SPRR1B: variants seen among roughly 807,000 people sequenced by gnomAD.
SPRR1B encodes the protein small proline rich protein 1B.
SPRR1B carries 1 observed loss-of-function variant against 1.2 expected under a neutral mutation model. The observed-to-expected ratio is 0.82, with a 90% CI of 0.29 to 3.89. The LOEUF (loss-of-function observed/expected upper bound fraction) is 3.89. Ranked by LOEUF, SPRR1B falls within the 30% of genes most tolerant of loss-of-function variation. The probability of loss-of-function intolerance (pLI) is 0.18; values close to 1 mark genes in which losing one functional copy is unlikely to be tolerated. For synonymous variants in SPRR1B, 37 were observed against 38.3 expected (o/e 0.97, Z 0.13); for missense variants, 102 against 106.0 (o/e 0.96, Z 0.17).
At position 153,032,494 on chromosome 1, in the gene SPRR1B, A is replaced by G. The variant is rs751749805; in HGVS notation, c.149A>G (p.His50Arg). Residue 50 changes from histidine to arginine, a missense_variant, in exon 2 of 2, where the codon CAC (histidine) becomes CGC (arginine). His to Arg is a conservative substitution (Grantham distance 29). Coordinates refer to ENST00000307098, the MANE Select transcript of SPRR1B (RefSeq NM_003125.3). ...PCHPKVPEPC[H>R]PKVPEPCQPK... ...CACCCCAAGGTGCCTGAGCCCTGCC[A>G]CCCCAAAGTGCCCGAGCCCTGCCAG... The G allele has an allele frequency of 1.1e-5, 16 of 1,494,116 alleles. No homozygotes were observed. The East Asian group carries it at 2.1e-4, about 19-fold the overall frequency. 92.6% of individuals were successfully genotyped at this position (1,494,116 alleles called of 1,614,324 possible).
In SPRR1B at chr1:153,031,335, C is replaced by G. The variant is rs1388751638; in HGVS notation, c.-20+88C>G. The G allele has an allele frequency of 2.6e-5, 4 of 151,838 alleles. No individual in the cohort carries two copies. The East Asian group carries it at 7.7e-4, about 29-fold the overall frequency. 9.4% of individuals were successfully genotyped at this position (151,838 alleles called of 1,614,324 possible). ...TCCTTGGCATTCTTGGTATTTTTTT[C>G]CCTCATTATTGAATTTGATCATAGC... On this transcript the variant is annotated intron_variant, in intron 1 of 1. Transcript: ENST00000307098.
chr1:153,032,772 T>G lies in SPRR1B; in HGVS notation c.*157T>G. 7.6e-7 allele frequency: 1 copy of G among 1,317,042 alleles called. No individual in the cohort carries two copies. Among genetic ancestry groups the G allele is most frequent in the South Asian group, 1.6e-5 (1 of 62,810 alleles). The allele number at this position is 1,317,042 out of a possible 1,614,324, so 81.6% of individuals were successfully genotyped here. A position where few individuals can be genotyped will look rare whatever the true frequency, so the allele number is the denominator to read the frequency against. ...TTCTTTCCTACACACTCTGAGTCTCTGAATGAAGCTGAAGGTCTTAGTACC... is the reference window on the plus strand; with the variant it reads ...TTCTTTCCTACACACTCTGAGTCTCGGAATGAAGCTGAAGGTCTTAGTACC... On this transcript the variant is annotated 3_prime_UTR_variant, in exon 2 of 2. Transcript: ENST00000307098.
At position 153,032,243 on chromosome 1, in the gene SPRR1B, A is replaced by G. The variant is rs990542735; in HGVS notation, c.-19-84A>G. 6 of 1,454,296 alleles carry G rather than the reference A, an allele frequency of 4.1e-6. No individual in the cohort carries two copies. The African/African-American group carries it at 8.5e-5, about 21-fold the overall frequency. The allele number at this position is 1,454,296 out of a possible 1,614,324, so 90.1% of individuals were successfully genotyped here. A position where few individuals can be genotyped will look rare whatever the true frequency, so the allele number is the denominator to read the frequency against. On this transcript the variant is annotated intron_variant, in intron 1 of 1. Transcript: ENST00000307098. ...TTTGTGGTCAAGAAGGGGAAAGAAC[A>G]TAGCTTTTTAAGAGACCAGAAGTGG...
At position 153,032,408 on chromosome 1, in the gene SPRR1B, G is replaced by C; in HGVS notation, c.63G>C (p.Val21=). Reference sequence around the variant, plus strand: ...CCCCTCAGCTTCAGCAGCAGCAGGTGAAACAGCCTTGCCAGCCTCCACCTC... The same window carrying C: ...CCCCTCAGCTTCAGCAGCAGCAGGTCAAACAGCCTTGCCAGCCTCCACCTC... ...TPPPQLQQQQ[V]KQPCQPPPQE... The change falls in exon 2 of 2, where the codon GTG becomes GTC. Residue 21 remains valine (V), a synonymous_variant. Transcript: ENST00000307098. The C allele has an allele frequency of 6.2e-7, 1 of 1,613,934 alleles. No homozygotes were observed. The highest frequency in any genetic ancestry group is 1.1e-5 in the South Asian group (1 of 91,064).
In SPRR1B at chr1:153,031,215, G is replaced by A. The variant is rs961280096; in HGVS notation, c.-52G>A. ...CTGGGAACACTACACCAGTTCTAAG[G>A]GACCATACAGAGTATTCCTCTCTTC... is the stretch of plus-strand genomic sequence containing the variant. On this transcript the variant is annotated 5_prime_UTR_variant, in exon 1 of 2. Transcript: ENST00000307098. The A allele has an allele frequency of 1.3e-5, 2 of 152,102 alleles. No individual in the cohort carries two copies. Among genetic ancestry groups the A allele is most frequent in the Admixed American group, 6.6e-5 (1 of 15,260 alleles). 9.4% of individuals were successfully genotyped at this position (152,102 alleles called of 1,614,324 possible). A position where few individuals can be genotyped will look rare whatever the true frequency, so the allele number is the denominator to read the frequency against.
intron 1 of SPRR1B, among the ~76,000 whole-genome samples, chr1:153,031,785 G>A (rs564028774): frequency 3.5e-4 from 53 of 152,264 alleles, no homozygotes; most frequent in African/African-American, 1.2e-3. Flanking sequence ...GTGACAGTTT[G>A]GGAATAGAGA....
intron 1 of SPRR1B, 38 bp from the exon 2 acceptor site, chr1:153,032,289 C>T (rs567027305): frequency 3.5e-4 from 546 of 1,575,738 alleles, no homozygotes; most frequent in Non-Finnish European, 4.3e-4. Flanking sequence ...GGCTTCTTCC[C>T]TATTATTCTC....
In SPRR1B at chr1:153,032,756, A is replaced by T; in HGVS notation, c.*141A>T. The T allele has an allele frequency of 7.2e-7, 1 of 1,397,200 alleles. No homozygotes were observed. The highest frequency in any genetic ancestry group is 1.5e-5 in the South Asian group (1 of 66,692). 86.6% of individuals were successfully genotyped at this position (1,397,200 alleles called of 1,614,324 possible). On this transcript the variant is annotated 3_prime_UTR_variant, in exon 2 of 2. Coordinates refer to ENST00000307098, the MANE Select transcript of SPRR1B (RefSeq NM_003125.3). The stretch of plus-strand genomic sequence containing the variant: ...AATGTGCTATGAAGCTTTCTTTCCT[A>T]CACACTCTGAGTCTCTGAATGAAGC...
At position 153,032,655 on chromosome 1, in the gene SPRR1B, A is replaced by T. The variant is rs1473733735; in HGVS notation, c.*40A>T. 6 of 1,598,878 alleles carry T rather than the reference A, an allele frequency of 3.8e-6. No homozygotes were observed. The highest frequency in any genetic ancestry group is 5.1e-6 in the Non-Finnish European group (6 of 1,171,292). Reference sequence around the variant, plus strand: ...ATGCCCTTGAGGAGCCGGCCACCAGATGCTGAATCCCCTATCCCATTCTGC... The same window carrying T: ...ATGCCCTTGAGGAGCCGGCCACCAGTTGCTGAATCCCCTATCCCATTCTGC... On this transcript the variant is annotated 3_prime_UTR_variant, in exon 2 of 2. Transcript: ENST00000307098.
intron 1 of SPRR1B, among the ~76,000 whole-genome samples, chr1:153,031,473 C>G (rs936838314): frequency 6.6e-6 from 1 of 152,168 alleles, no homozygotes; most frequent in Non-Finnish European, 1.5e-5. Flanking sequence ...TTCACTCTTT[C>G]TGTGTCAGCA....
In SPRR1B at chr1:153,032,385, C is replaced by A. The variant is rs770728317; in HGVS notation, c.40C>A (p.Pro14Thr). ...QQQKQPCTPP[P>T]QLQQQQVKQP... ...GCAGAAGCAGCCTTGCACCCCACCCCCTCAGCTTCAGCAGCAGCAGGTGAA... is the reference window on the plus strand; with the variant it reads ...GCAGAAGCAGCCTTGCACCCCACCCACTCAGCTTCAGCAGCAGCAGGTGAA... The change falls in exon 2 of 2, where the codon CCT becomes ACT. Residue 14 changes from proline to threonine, a missense_variant. Transcript: ENST00000307098. The A allele has an allele frequency of 1.2e-6, 2 of 1,613,808 alleles. No individual in the cohort carries two copies. The highest frequency in any genetic ancestry group is 2.7e-5 in the African/African-American group (2 of 74,836).
Position 153,032,549 on chromosome 1 carries a change from G to A in SPRR1B, c.204G>A (p.Lys68=), listed in dbSNP as rs1023507643. 5.0e-6 allele frequency: 8 copies of A among 1,611,814 alleles called. No individual in the cohort carries two copies. Among genetic ancestry groups the A allele is most frequent in the Middle Eastern group, 1.6e-4 (1 of 6,082 alleles). Residue 68 remains lysine, a synonymous_variant, in exon 2 of 2, where the codon AAG becomes AAA. Coordinates refer to ENST00000307098, the MANE Select transcript of SPRR1B (RefSeq NM_003125.3). ...AGGTTCCAGAGCCATGCCACCCCAA[G>A]GTGCCTGAGCCCTGCCCTTCAATAG... The part of the protein sequence containing the change: ...QPKVPEPCHP[K]VPEPCPSIVT...
chr1:153,032,795 AC>A lies in SPRR1B; in HGVS notation c.*182del. On this transcript the variant is annotated 3_prime_UTR_variant, in exon 2 of 2. Transcript: ENST00000307098. ...TCTGAATGAAGCTGAAGGTCTTAGT[AC>A]CAGAGCTAGTTTTCAGCTGCTCAGA... 1.7e-6 allele frequency: 2 copies of A among 1,181,098 alleles called. No homozygotes were observed. Among genetic ancestry groups the A allele is most frequent in the Non-Finnish European group, 2.3e-6 (2 of 857,652 alleles). The allele number at this position is 1,181,098 out of a possible 1,614,324, so 73.2% of individuals were successfully genotyped here.
At chr1:153,031,488 G>A (rs1302859156) in intron 1 of SPRR1B, among the ~76,000 whole-genome samples, 1 of 152,186 alleles carries the variant, frequency 6.6e-6, no homozygotes, top group Non-Finnish European at 1.5e-5. Context: ...TCAGCAAGAA[G>A]GGGGTTGGTT....
At chr1:153,032,065 C>T (rs937775799) in intron 1 of SPRR1B, among the ~76,000 whole-genome samples, 5 of 151,742 alleles carry the variant, frequency 3.3e-5, no homozygotes, top group African/African-American at 1.2e-4. Context: ...TCCAATGGTC[C>T]AGTATTATGA....
In SPRR1B at chr1:153,032,402, G is replaced by A; in HGVS notation, c.57G>A (p.Gln19=). The A allele has an allele frequency of 6.2e-7, 1 of 1,613,906 alleles. No homozygotes were observed. Among genetic ancestry groups the A allele is most frequent in the Non-Finnish European group, 8.5e-7 (1 of 1,179,986 alleles). The change falls in exon 2 of 2, where the codon CAG becomes CAA. Residue 19 remains glutamine, a synonymous_variant. Coordinates refer to ENST00000307098, the MANE Select transcript of SPRR1B (RefSeq NM_003125.3). ...PCTPPPQLQQ[Q]QVKQPCQPPP... ...CCCCACCCCCTCAGCTTCAGCAGCA[G>A]CAGGTGAAACAGCCTTGCCAGCCTC...
At chr1:153,032,227 A>C in intron 1 of SPRR1B, 100 bp from the exon 2 acceptor site, 1 of 1,374,112 alleles carries the variant, frequency 7.3e-7, no homozygotes, top group South Asian at 1.4e-5. Flanking sequence ...CTTTGTGGTC[A>C]AGAAGGGGAA....
In SPRR1B at chr1:153,032,896, T is replaced by G; in HGVS notation, c.*281T>G. On this transcript the variant is annotated 3_prime_UTR_variant, in exon 2 of 2. Transcript: ENST00000307098. Reference sequence around the variant, plus strand: ...ATACCCCCATTAAATTCACTTTCAATTCCACTCTTGACTGTGTGTCATTGA... The same window carrying G: ...ATACCCCCATTAAATTCACTTTCAAGTCCACTCTTGACTGTGTGTCATTGA... 3.8e-6 allele frequency: 2 copies of G among 519,716 alleles called. No individual in the cohort carries two copies. The highest frequency in any genetic ancestry group is 1.9e-5 in the African/African-American group (1 of 52,600). 32.2% of individuals were successfully genotyped at this position (519,716 alleles called of 1,614,324 possible). A position where few individuals can be genotyped will look rare whatever the true frequency, so the allele number is the denominator to read the frequency against.
chr1:153,032,186 C>A, intron 1 of SPRR1B, 141 bp from the exon 2 acceptor site: 1 of 1,151,140 alleles, frequency 8.7e-7, no homozygotes, highest in Non-Finnish European at 1.2e-6. Context: ...GGTTCCTCTT[C>A]TTCAAAGGCT....
Sources: gnomAD v4.1 joint callset for allele counts (sites outside exome capture counted in the v4.1 genomes callset) on GRCh38, gnomAD v4.1.1 for gene constraint, MANE v1.5 for transcripts, NCBI Gene and HGNC (gene_info 2026-07-23, HGNC 2026-07-21) for gene names.